DERL3: variants seen among roughly 807,000 people sequenced by gnomAD.
DERL3 encodes the protein derlin 3, also known as derlin-3.
Under a neutral mutation model 23.8 loss-of-function variants are expected in DERL3, and 20 were observed. The ratio of observed to expected loss-of-function variants is 0.84; its 90% CI spans 0.59 to 1.22. DERL3 has a LOEUF of 1.22. DERL3 is among the 50% of genes most tolerant of loss of function. The pLI is 0.00. For missense variants in DERL3, 319 were observed against 304.1 expected (o/e 1.05, Z -0.36); for synonymous variants, 145 against 132.5 (o/e 1.09, Z -0.65).
Position 23,835,068 on chromosome 22 carries a change from G to C in DERL3, c.*1801C>G. 7.2e-7 allele frequency: 1 copy of C among 1,397,512 alleles called. No homozygotes were observed. The highest frequency in any genetic ancestry group is 9.3e-7 in the Non-Finnish European group (1 of 1,078,850). The allele number at this position is 1,397,512 out of a possible 1,614,324, so 86.6% of individuals were successfully genotyped here. On this transcript the variant is annotated 3_prime_UTR_variant, in exon 7 of 7. Coordinates refer to ENST00000318109, the MANE Select transcript of DERL3 (RefSeq NM_001002862.3). ...CCCACCCCAGCAGGTGCTGTGGCCTGGGCCAGCTCCTGCCTTACAAGCCAG... is the reference window on the plus strand; with the variant it reads ...CCCACCCCAGCAGGTGCTGTGGCCTCGGCCAGCTCCTGCCTTACAAGCCAG...
chr22:23,837,269 G>C, intron 5 of DERL3, 115 bp from the exon 6 acceptor site: 1 of 1,335,384 alleles, frequency 7.5e-7, no homozygotes, highest in Non-Finnish European at 1.0e-6. Context: ...CCCACAGCAT[G>C]AGTGCCCCAA....
At chr22:23,837,612 A>C (rs1251640704) in intron 5 of DERL3, 47 bp downstream of exon 5, 1 of 1,583,102 alleles carries the variant, frequency 6.3e-7, no homozygotes, top group Admixed American at 1.7e-5. Context: ...GCGTGTCCTG[A>C]GGGGAGTGGC....
chr22:23,837,983 C>T (rs1192655540), intron 4 of DERL3, 129 bp from the exon 5 acceptor site: 7 of 1,240,344 alleles, frequency 5.6e-6, no homozygotes, highest in Non-Finnish European at 5.5e-6. Context: ...ATGAGCCAGT[C>T]CAATAAAGGC....
chr22:23,838,428 A>G lies in DERL3; in HGVS notation c.251T>C (p.Met84Thr), dbSNP rs766663143. 3 of 1,607,382 alleles carry G rather than the reference A, an allele frequency of 1.9e-6. No homozygotes were observed. The highest frequency in any genetic ancestry group is 2.5e-6 in the Non-Finnish European group (3 of 1,176,812). Residue 84 changes from methionine to threonine, a missense_variant, in exon 4 of 7, where the codon ATG becomes ACG. Met to Thr is a moderately conservative substitution (Grantham distance 81). Transcript: ENST00000318109. The stretch of plus-strand genomic sequence containing the variant: ...GCCGCGGAAGGAGCCCTCTTCCAGC[A>G]TGCGGCAGTAGCGGAACCTACGGCG... The part of the protein sequence containing the change: ...NMLFVFRYCR[M>T]LEEGSFRGRT...
chr22:23,837,822 C>T lies in DERL3; in HGVS notation c.360G>A (p.Leu120=). ...LLGLLGSLFF[L]GQALMAMLVY... ...CCAGCATGGCCATGAGGGCCTGGCC[C>T]AGGAAGAACAGGCTGCCCAGGAGTC... Residue 120 remains leucine (L), a synonymous_variant, in exon 5 of 7, where the codon CTG becomes CTA. Transcript: ENST00000318109. The T allele has an allele frequency of 6.2e-7, 1 of 1,613,486 alleles. No homozygotes were observed. The highest frequency in any genetic ancestry group is 8.5e-7 in the Non-Finnish European group (1 of 1,179,800).
rs766292085 is a variant in DERL3 at position 23,835,156 on chromosome 22, A to G, written c.*1713T>C. 111 of 1,324,818 alleles carry G rather than the reference A, an allele frequency of 8.4e-5. No homozygotes were observed. Among genetic ancestry groups the G allele is most frequent in the Non-Finnish European group, 1.0e-4 (106 of 1,040,636 alleles). The allele number at this position is 1,324,818 out of a possible 1,614,324, so 82.1% of individuals were successfully genotyped here. A position where few individuals can be genotyped will look rare whatever the true frequency, so the allele number is the denominator to read the frequency against. On this transcript the variant is annotated 3_prime_UTR_variant, in exon 7 of 7. Transcript: ENST00000318109. ...CCAGCTCTTGGAGTTGACACGGTAC[A>G]GGGAGGAGACACAGCCCAGGGTCCC...
At position 23,834,632 on chromosome 22, in the gene DERL3, C is replaced by T. The variant is rs188701155; in HGVS notation, c.*2237G>A. 3.6e-6 allele frequency: 3 copies of T among 822,976 alleles called. No individual in the cohort carries two copies. Among genetic ancestry groups the T allele is most frequent in the Non-Finnish European group, 5.8e-6 (3 of 516,446 alleles). 51.0% of individuals were successfully genotyped at this position (822,976 alleles called of 1,614,324 possible). A position where few individuals can be genotyped will look rare whatever the true frequency, so the allele number is the denominator to read the frequency against. The stretch of plus-strand genomic sequence containing the variant: ...GAACAAGGTTGGCACACAGGCCTCA[C>T]CCTCCTCTGCCTCAGATTCCCAAGT... On this transcript the variant is annotated 3_prime_UTR_variant, in exon 7 of 7. Transcript: ENST00000318109.
Position 23,838,632 on chromosome 22 carries a change from C to T in DERL3, c.165G>A (p.Trp55Ter). Residue 55 changes from tryptophan to a stop codon, truncating the protein, a stop_gained, in exon 3 of 7, where the codon TGG (tryptophan) becomes TGA (stop). Coordinates refer to ENST00000318109, the MANE Select transcript of DERL3 (RefSeq NM_001002862.3). LOFTEE classifies it high-confidence loss of function. ...PHLVFRKFQV[W>*]RLVTNFLFFG... ...AGAAGAGGAAGTTGGTGACGAGCCTCCAGACCTACGGGGGACGGGCGGTCA... is the reference window on the plus strand; with the variant it reads ...AGAAGAGGAAGTTGGTGACGAGCCTTCAGACCTACGGGGGACGGGCGGTCA... The T allele has an allele frequency of 6.3e-7, 1 of 1,576,518 alleles. No individual in the cohort carries two copies. Among genetic ancestry groups the T allele is most frequent in the Non-Finnish European group, 8.6e-7 (1 of 1,161,728 alleles).
Position 23,836,316 on chromosome 22 carries a change from T to C in DERL3, c.*553A>G, listed in dbSNP as rs1385752627. On this transcript the variant is annotated 3_prime_UTR_variant, in exon 7 of 7. Transcript: ENST00000318109. ...TACGCCCACCTGTCAGGGTGGCTGA[T>C]GAGAGACAGGAGAGGCTAGATTGGC... The C allele has an allele frequency of 2.0e-6, 2 of 985,372 alleles. No homozygotes were observed. 61.0% of individuals were successfully genotyped at this position (985,372 alleles called of 1,614,324 possible).
intron 4 of DERL3, chr22:23,838,074 T>G: frequency 6.8e-7 from 1 of 1,473,720 alleles, no homozygotes. Context: ...CCACTGCCTG[T>G]CCCTGCCCCA....
rs1436102059 is a variant in DERL3, at chr22:23,838,458, T to C, written c.234-13A>G. The C allele has an allele frequency of 6.3e-7, 1 of 1,595,516 alleles. No individual in the cohort carries two copies. ...GCAGTAGCGGAACCTACGGCGTCGG[T>C]ATAGGAAGTGCCACCAGGCGGGGCC... On this transcript the variant is annotated splice_polypyrimidine_tract_variant and intron_variant, in intron 3 of 6. Transcript: ENST00000318109.
At chr22:23,838,324 G>A in intron 4 of DERL3, 28 bp downstream of exon 4, 1 of 1,578,202 alleles carries the variant, frequency 6.3e-7, no homozygotes, top group South Asian at 1.2e-5. Context: ...GCCCTAGCCC[G>A]AGGTTCCAGA....
Position 23,835,568 on chromosome 22 carries a change from C to T in DERL3, c.*1301G>A, listed in dbSNP as rs941467581. On this transcript the variant is annotated 3_prime_UTR_variant, in exon 7 of 7. Coordinates refer to ENST00000318109, the MANE Select transcript of DERL3 (RefSeq NM_001002862.3). Reference sequence around the variant, plus strand: ...CTTCCCAGGGAGTTTGCACTCAGGGCCTCTGCCCTCCATCAAAGAGTGGAA... The same window carrying T: ...CTTCCCAGGGAGTTTGCACTCAGGGTCTCTGCCCTCCATCAAAGAGTGGAA... The T allele has an allele frequency of 5.1e-5, 50 of 985,516 alleles. No homozygotes were observed. The highest frequency in any genetic ancestry group is 6.0e-5 in the Non-Finnish European group (50 of 829,958). 61.0% of individuals were successfully genotyped at this position (985,516 alleles called of 1,614,324 possible). A position where few individuals can be genotyped will look rare whatever the true frequency, so the allele number is the denominator to read the frequency against.
chr22:23,837,068 A>G lies in DERL3; in HGVS notation c.610T>C (p.Phe204Leu). 6.2e-7 allele frequency: 1 copy of G among 1,613,840 alleles called. No homozygotes were observed. Among genetic ancestry groups the G allele is most frequent in the Non-Finnish European group, 8.5e-7 (1 of 1,179,878 alleles). The change falls in exon 6 of 7, where the codon TTC becomes CTC. Residue 204 changes from phenylalanine to leucine, a missense_variant. Coordinates refer to ENST00000318109, the MANE Select transcript of DERL3 (RefSeq NM_001002862.3). ...GGGAGGGCTCTCAACACTCACAGGAAGCCAGGGGTCTGCAGGAGCCTCTTG... is the reference window on the plus strand; with the variant it reads ...GGGAGGGCTCTCAACACTCACAGGAGGCCAGGGGTCTGCAGGAGCCTCTTG... ...GGKRLLQTPG[F>L]LKLLLDAPAE...
At position 23,835,892 on chromosome 22, in the gene DERL3, G is replaced by A. The variant is rs560035016; in HGVS notation, c.*977C>T. On this transcript the variant is annotated 3_prime_UTR_variant, in exon 7 of 7. Coordinates refer to ENST00000318109, the MANE Select transcript of DERL3 (RefSeq NM_001002862.3). ...CTCCTGACCGCCAGCTCACACCGCC[G>A]CAAAGCCATCTCCACAAGGTCTGGC... The A allele has an allele frequency of 4.2e-5, 41 of 985,506 alleles. No individual in the cohort carries two copies. Among genetic ancestry groups the A allele is most frequent in the Middle Eastern group, 5.2e-4 (1 of 1,914 alleles). 61.0% of individuals were successfully genotyped at this position (985,506 alleles called of 1,614,324 possible). A position where few individuals can be genotyped will look rare whatever the true frequency, so the allele number is the denominator to read the frequency against.
chr22:23,838,698 G>A lies in DERL3; in HGVS notation c.159+13C>T, dbSNP rs753587193. The A allele has an allele frequency of 9.0e-6, 14 of 1,548,684 alleles. No homozygotes were observed. Among genetic ancestry groups the A allele is most frequent in the Admixed American group, 3.9e-5 (2 of 50,836 alleles). On this transcript the variant is annotated intron_variant, in intron 2 of 6. Transcript: ENST00000318109. ...GGTCGGGCCCACAGGTGCGCGGCGC[G>A]GGGCGGCCTCACCTGGAACTTCCGG...
chr22:23,837,523 G>T, intron 5 of DERL3, 136 bp downstream of exon 5: 1 of 928,620 alleles, frequency 1.1e-6, no homozygotes, highest in Non-Finnish European at 1.6e-6. Context: ...CAGCAGCTGG[G>T]AGGGCAGGAA....
At chr22:23,838,228 C>T (rs1041737660) in intron 4 of DERL3, 124 bp downstream of exon 4, 35 of 1,550,166 alleles carry the variant, frequency 2.3e-5, no homozygotes, top group Non-Finnish European at 3.1e-5. Context: ...GGGCCCTCAA[C>T]ACATACTAAG....
Position 23,838,910 on chromosome 22 carries a change from G to A in DERL3, c.78C>T (p.Leu26=). 1.3e-6 allele frequency: 2 copies of A among 1,570,710 alleles called. No homozygotes were observed. Among genetic ancestry groups the A allele is most frequent in the Non-Finnish European group, 1.7e-6 (2 of 1,158,128 alleles). Residue 26 remains leucine, a synonymous_variant, in exon 1 of 7, where the codon CTC becomes CTT. Transcript: ENST00000318109. ...VTRAYTAACV[L]TTAAVQLELL... ...GGCCGCTTACCACCGCGGCGGTGGTGAGGACACAGGCTGCGGTGTAAGCCC... is the reference window on the plus strand; with the variant it reads ...GGCCGCTTACCACCGCGGCGGTGGTAAGGACACAGGCTGCGGTGTAAGCCC...
Sources: allele counts gnomAD v4.1 joint callset, GRCh38; gene constraint gnomAD v4.1.1; transcripts MANE v1.5; gene names NCBI Gene and HGNC (gene_info 2026-07-23, HGNC 2026-07-21).